The following SNTG2 variants were observed in gnomAD, a reference collection of about 807,000 sequenced individuals.
The protein encoded by SNTG2 is syntrophin gamma 2, also known as gamma-2-syntrophin.
Under a neutral mutation model 70.9 loss-of-function variants are expected in SNTG2, and 74 were observed. That is an observed-to-expected ratio of 1.04 (90% CI 0.86 to 1.27). SNTG2 has a LOEUF of 1.27. Among genes scored for constraint, SNTG2 ranks in the 50% most tolerant of loss-of-function variants. The probability of loss-of-function intolerance (pLI) is 0.00; values close to 1 mark genes in which losing one functional copy is unlikely to be tolerated. For synonymous variants in SNTG2, 278 were observed against 273.8 expected (o/e 1.02, Z -0.15); for missense variants, 717 against 690.7 (o/e 1.04, Z -0.43).
Position 1,193,606 on chromosome 2 carries a change from A to G in SNTG2, c.592-15497A>G, listed in dbSNP as rs1025904787. ...TATATCTCCCCTGAATAAAGAAGAA[A>G]AAAAAACATTTTTATGTGTTACATT... On this transcript the variant is annotated intron_variant, in intron 8 of 16. Coordinates refer to ENST00000308624, the MANE Select transcript of SNTG2 (RefSeq NM_018968.4). Among the ~76,000 whole-genome samples, 17 of 152,064 alleles carry G rather than the reference A, an allele frequency of 1.1e-4. 1 individual carries two copies. The highest frequency in any genetic ancestry group is 5.9e-4 in the Admixed American group (9 of 15,274).
At chr2:1,075,647 A>G in intron 1 of SNTG2, among the ~76,000 whole-genome samples, 1 of 152,162 alleles carries the variant, frequency 6.6e-6, no homozygotes, top group East Asian at 1.9e-4. Flanking sequence ...TATATCTAAA[A>G]CTAGGAGTGT....
intron 4 of SNTG2, chr2:1,103,392 T>TC: frequency 1.5e-5 from 3 of 206,426 alleles, no homozygotes; most frequent in South Asian, 1.3e-4. Context: ...TTTTTTTTTA[T>TC]TTTTTTTTTT....
chr2:1,096,112 C>G (rs1047624207), intron 2 of SNTG2, among the ~76,000 whole-genome samples: 1 of 152,160 alleles, frequency 6.6e-6, no homozygotes, highest in South Asian at 2.1e-4. Flanking sequence ...GGTATGCCTC[C>G]CACATGCAGG....
chr2:952,683 C>G (rs1362714711), intron 1 of SNTG2, among the ~76,000 whole-genome samples: 1 of 152,062 alleles, frequency 6.6e-6, no homozygotes, highest in Non-Finnish European at 1.5e-5. Flanking sequence ...GCGTTGGAGG[C>G]CAAGTATTAC....
chr2:1,079,483 G>A (rs1004103732), intron 1 of SNTG2, among the ~76,000 whole-genome samples: 3 of 152,186 alleles, frequency 2.0e-5, no homozygotes, highest in Non-Finnish European at 2.9e-5. Context: ...ATTTTGAGCA[G>A]AAGTTAGGTT....
chr2:1,088,473 T>C (rs779190123), intron 2 of SNTG2, among the ~76,000 whole-genome samples: 1 of 152,216 alleles, frequency 6.6e-6, no homozygotes, highest in Non-Finnish European at 1.5e-5. Context: ...TAGGGGAAGG[T>C]CTGATGGACA....
intron 4 of SNTG2, among the ~76,000 whole-genome samples, chr2:1,100,586 G>C (rs190605302): frequency 6.6e-6 from 1 of 152,214 alleles, no homozygotes; most frequent in Non-Finnish European, 1.5e-5. Context: ...CTCATATAAA[G>C]TGGGATTCCA....
intron 6 of SNTG2, among the ~76,000 whole-genome samples, chr2:1,162,071 C>A (rs369910247): frequency 2.4e-3 from 212 of 89,750 alleles, no homozygotes; most frequent in South Asian, 4.0e-3. Flanking sequence ...GACTCCGTCT[C>A]AAAAAAAAAA....
chr2:1,181,885 A>C (rs2147913471), intron 8 of SNTG2, among the ~76,000 whole-genome samples: 1 of 152,284 alleles, frequency 6.6e-6, no homozygotes, highest in Admixed American at 6.5e-5. Context: ...TGTCTCAAGA[A>C]TCCTTACTAA....
intron 6 of SNTG2, among the ~76,000 whole-genome samples, chr2:1,141,338 A>C (rs1402899374): frequency 6.6e-6 from 1 of 152,236 alleles, no homozygotes; most frequent in Non-Finnish European, 1.5e-5. Context: ...GCCGGAACAC[A>C]AAGTATGCTA....
rs1659765056 is a variant in SNTG2 at position 1,012,610 on chromosome 2, G to GTAGAGGGATTTATAAGGGCAGAGA, written c.72+61542_72+61543insTAGAGGGATTTATAAGGGCAGAGA. Among the ~76,000 whole-genome samples the GTAGAGGGATTTATAAGGGCAGAGA allele has an allele frequency of 2.3e-5, 3 of 132,706 alleles. 1 individual carries two copies. Among genetic ancestry groups the GTAGAGGGATTTATAAGGGCAGAGA allele is most frequent in the Admixed American group, 7.4e-5 (1 of 13,588 alleles). 87.1% of individuals were successfully genotyped at this position (132,706 alleles called of 152,430 possible). A position where few individuals can be genotyped will look rare whatever the true frequency, so the allele number is the denominator to read the frequency against. On this transcript the variant is annotated intron_variant, in intron 1 of 16. Coordinates refer to ENST00000308624, the MANE Select transcript of SNTG2 (RefSeq NM_018968.4). ...ATAAGGGCAGAGAGAAGGGTGGTCT[G>GTAGAGGGATTTATAAGGGCAGAGA]GAAAGGGATTTATAAGGACAGAGAG... is the stretch of plus-strand genomic sequence containing the variant.
intron 8 of SNTG2, among the ~76,000 whole-genome samples, chr2:1,178,490 T>G (rs1235242469): frequency 6.6e-6 from 1 of 152,174 alleles, no homozygotes; most frequent in Non-Finnish European, 1.5e-5. Flanking sequence ...AATACCTAAT[T>G]TATTGAGAGT....
At chr2:1,129,315 G>A (rs1160584488) in intron 4 of SNTG2, among the ~76,000 whole-genome samples, 1 of 152,332 alleles carries the variant, frequency 6.6e-6, no homozygotes. Context: ...TAAATGACAA[G>A]ATGAAGTTTG....
At chr2:999,732 T>A (rs1661806188) in intron 1 of SNTG2, among the ~76,000 whole-genome samples, 1 of 151,920 alleles carries the variant, frequency 6.6e-6, no homozygotes, top group South Asian at 2.1e-4. Flanking sequence ...TCATTGAGAT[T>A]GAAAATCAAC....
rs1553355231 is a variant in SNTG2, at chr2:1,203,671, A to ATATATATATAT, written c.592-5432_592-5431insTATATATATAT. Among the ~76,000 whole-genome samples, 117 of 67,060 alleles carry ATATATATATAT rather than the reference A, an allele frequency of 1.7e-3. 2 individuals are homozygous for ATATATATATAT. The highest frequency in any genetic ancestry group is 6.1e-3 in the African/African-American group (114 of 18,728). The allele number at this position is 67,060 out of a possible 152,430, so 44.0% of individuals were successfully genotyped here. A position where few individuals can be genotyped will look rare whatever the true frequency, so the allele number is the denominator to read the frequency against. On this transcript the variant is annotated intron_variant, in intron 8 of 16. Coordinates refer to ENST00000308624, the MANE Select transcript of SNTG2 (RefSeq NM_018968.4). ...CTTGTCTCAAAAACAAACAAAAAAA[A>ATATATATATAT]AAATATATATATATATATATGTGTG...
rs567164879 is a variant in SNTG2 at position 1,121,740 on chromosome 2, T to C, written c.326-15882T>C. ...CCTTGTGAGAACCCACTCAGTATCA[T>C]GAGAACAGCATGGGGGAAACTGCCC... On this transcript the variant is annotated intron_variant, in intron 4 of 16. Transcript: ENST00000308624. Among the ~76,000 whole-genome samples, 13 of 152,256 alleles carry C rather than the reference T, an allele frequency of 8.5e-5. 2 individuals are homozygous for C. The highest frequency in any genetic ancestry group is 2.9e-4 in the African/African-American group (12 of 41,550).
chr2:1,038,151 G>T (rs1661236222), intron 1 of SNTG2, among the ~76,000 whole-genome samples: 1 of 152,140 alleles, frequency 6.6e-6, no homozygotes, highest in South Asian at 2.1e-4. Flanking sequence ...CTTAACTTTG[G>T]TTCTACTTGA....
chr2:1,137,308 A>G (rs1474696803), intron 4 of SNTG2, among the ~76,000 whole-genome samples: 1 of 149,912 alleles, frequency 6.7e-6, no homozygotes, highest in Admixed American at 6.6e-5. Flanking sequence ...ACCTGCACAC[A>G]CACACATCTC....
Position 1,182,725 on chromosome 2 carries a change from TC to T in SNTG2, c.591+9548del, listed in dbSNP as rs1572668603. Among the ~76,000 whole-genome samples, 4 of 152,164 alleles carry T rather than the reference TC, an allele frequency of 2.6e-5. No homozygotes were observed. In the East Asian group the frequency reaches 7.7e-4, roughly 29 times the overall value. ...GCATGTCTCTAGAATCTGGAAGTAT[TC>T]CCCCCAAAAATAATCAGTTTTTTTG... On this transcript the variant is annotated intron_variant, in intron 8 of 16. Coordinates refer to ENST00000308624, the MANE Select transcript of SNTG2 (RefSeq NM_018968.4).
Sources: gnomAD v4.1 joint callset for allele counts (sites outside exome capture counted in the v4.1 genomes callset) on GRCh38, gnomAD v4.1.1 for gene constraint, MANE v1.5 for transcripts, NCBI Gene and HGNC (gene_info 2026-07-23, HGNC 2026-07-21) for gene names.